Variants in CYP2F1 observed in about 807,000 individuals in gnomAD.
CYP2F1 encodes the protein cytochrome P450 family 2 subfamily F member 1.
In CYP2F1, 33 loss-of-function variants were observed where a neutral mutation model predicts 40.4. That is an observed-to-expected ratio of 0.82 (90% CI 0.62 to 1.09). The LOEUF (loss-of-function observed/expected upper bound fraction) is 1.09, where lower values mean the gene tolerates loss of function less well. Among genes scored for constraint, CYP2F1 ranks in the 50% least tolerant of loss-of-function variants. The pLI is 0.00. For missense variants in CYP2F1, 566 were observed against 655.7 expected, an observed-to-expected ratio of 0.86 and a Z score of 1.49; for synonymous variants, 235 against 277.2, an observed-to-expected ratio of 0.85 and a Z score of 1.51.
chr19:41,121,391 G>A, intron 4 of CYP2F1, 67 bp from the exon 5 acceptor site: 1 of 1,464,446 alleles, frequency 6.8e-7, no homozygotes, highest in Non-Finnish European at 9.3e-7. Flanking sequence ...AATTAATGGT[G>A]TTGCTGCATG....
rs79512346 is a variant in CYP2F1, at chr19:41,116,202, G to A, written c.14G>A (p.Ser5Asn). Residue 5 changes from serine (S) to asparagine (N), a missense_variant, in exon 2 of 10, where the codon AGC (serine) becomes AAC (asparagine). This residue lies in a region of CYP2F1 where 264 missense variants were observed against 275.7 expected (regional missense o/e 0.96). Coordinates refer to ENST00000331105, the MANE Select transcript of CYP2F1 (RefSeq NM_000774.5). The stretch of plus-strand genomic sequence containing the variant: ...GCTGCCTTCACCATGGACAGCATAA[G>A]CACAGCCATCTTACTCCTGCTCCTG... MDSI[S>N]TAILLLLLAL... 2.5e-6 allele frequency: 4 copies of A among 1,613,434 alleles called. No homozygotes were observed. The highest frequency in any genetic ancestry group is 2.2e-5 in the South Asian group (2 of 91,046).
rs977363262 is a variant in CYP2F1 at position 41,116,219 on chromosome 19, C to T, written c.31C>T (p.Leu11=). 8 of 1,614,000 alleles carry T rather than the reference C, an allele frequency of 5.0e-6. No homozygotes were observed. The highest frequency in any genetic ancestry group is 6.8e-6 in the Non-Finnish European group (8 of 1,179,914). MDSISTAILL[L]LLALVCLLLT... Reference sequence around the variant, plus strand: ...CAGCATAAGCACAGCCATCTTACTCCTGCTCCTGGCTCTCGTCTGTCTGCT... The same window carrying T: ...CAGCATAAGCACAGCCATCTTACTCTTGCTCCTGGCTCTCGTCTGTCTGCT... The change falls in exon 2 of 10, where the codon CTG becomes TTG. Residue 11 remains leucine (L), a synonymous_variant. Transcript: ENST00000331105.
At chr19:41,119,030 G>C (rs556667391) in intron 3 of CYP2F1, among the ~76,000 whole-genome samples, 20 of 152,104 alleles carry the variant, frequency 1.3e-4, no homozygotes, top group Non-Finnish European at 2.9e-4. Flanking sequence ...GCTGGGATGG[G>C]GGAAGCCTGG....
intron 5 of CYP2F1, 102 bp from the exon 6 acceptor site, chr19:41,121,855 C>G (rs1416448548): frequency 1.6e-6 from 2 of 1,240,572 alleles, no homozygotes; most frequent in African/African-American, 3.2e-5. Flanking sequence ...CCTGGCTGCC[C>G]TTTGAGACCC....
At chr19:41,123,860 A>G (rs1272182630) in intron 7 of CYP2F1, among the ~76,000 whole-genome samples, 1 of 151,948 alleles carries the variant, frequency 6.6e-6, no homozygotes, top group Non-Finnish European at 1.5e-5. Flanking sequence ...GAGTGCGTCA[A>G]CCACCACATG....
intron 8 of CYP2F1, 34 bp downstream of exon 8, chr19:41,124,940 C>T (rs186961295): frequency 6.4e-7 from 1 of 1,560,842 alleles, no homozygotes. Flanking sequence ...ATCAGGCAAC[C>T]TAAGAGGAGG....
At chr19:41,123,850 G>A (rs1217637218) in intron 7 of CYP2F1, among the ~76,000 whole-genome samples, 4 of 151,982 alleles carry the variant, frequency 2.6e-5, no homozygotes, top group South Asian at 2.1e-4. Flanking sequence ...GCTTTGTGCC[G>A]AGTGCGTCAA....
intron 8 of CYP2F1, chr19:41,125,208 T>G (rs2032482583): frequency 3.3e-6 from 2 of 597,728 alleles, no homozygotes; most frequent in Non-Finnish European, 5.8e-6. Context: ...GCCTAAACGC[T>G]ATTCTCAGGG....
Position 41,116,633 on chromosome 19 carries a change from G to T in CYP2F1, c.334+16G>T. ...AAGGGCAATGGTAAGCCTCGTCCTT[G>T]TCTCCTCCGCTCTCGGCCTTTTCCA... On this transcript the variant is annotated intron_variant, in intron 3 of 9. Transcript: ENST00000331105. 6.2e-7 allele frequency: 1 copy of T among 1,613,038 alleles called. No individual in the cohort carries two copies. The highest frequency in any genetic ancestry group is 8.5e-7 in the Non-Finnish European group (1 of 1,179,586).
chr19:41,122,544 ACAT>A (rs1402763394), intron 6 of CYP2F1, among the ~76,000 whole-genome samples: 1 of 151,418 alleles, frequency 6.6e-6, no homozygotes, highest in African/African-American at 2.4e-5. Context: ...ATACATACAT[ACAT>A]CATACATACA....
intron 6 of CYP2F1, among the ~76,000 whole-genome samples, chr19:41,122,578 C>CACAT (rs1346371080): frequency 1.3e-5 from 2 of 151,800 alleles, no homozygotes; most frequent in African/African-American, 4.9e-5. Context: ...CATACATACA[C>CACAT]ACATACATAC....
At chr19:41,119,966 G>A (rs1475935779) in intron 3 of CYP2F1, among the ~76,000 whole-genome samples, 1 of 151,584 alleles carries the variant, frequency 6.6e-6, no homozygotes, top group Admixed American at 6.6e-5. Flanking sequence ...TCATCAATAA[G>A]TAATCACCAG....
At position 41,122,836 on chromosome 19, in the gene CYP2F1, A is replaced by G. The variant is rs371209937; in HGVS notation, c.837A>G (p.Pro279=). ...LTKMAEEKED[P]LSHFHMDTLL... is the part of the protein sequence containing the mutation. ...TACCAATGCAGGAGAAGGAGGACCCACTGAGCCACTTCCACATGGATACCC... is the reference window on the plus strand; with the variant it reads ...TACCAATGCAGGAGAAGGAGGACCCGCTGAGCCACTTCCACATGGATACCC... Residue 279 remains proline (P), a synonymous_variant, in exon 7 of 10, where the codon CCA becomes CCG. Coordinates refer to ENST00000331105, the MANE Select transcript of CYP2F1 (RefSeq NM_000774.5). The G allele has an allele frequency of 1.3e-5, 20 of 1,541,992 alleles. No homozygotes were observed. In the African/African-American group the frequency reaches 1.8e-4, roughly 14 times the overall value.
rs1599687898 is a variant in CYP2F1 at position 41,127,957 on chromosome 19, A to C, written c.1351A>C (p.Thr451Pro). 6.2e-7 allele frequency: 1 copy of C among 1,612,930 alleles called. No individual in the cohort carries two copies. The highest frequency in any genetic ancestry group is 8.5e-7 in the Non-Finnish European group (1 of 1,179,924). ...LARMELFLYL[T>P]AILQSFSLQP... The stretch of plus-strand genomic sequence containing the variant: ...GCGCATGGAGCTCTTTCTGTACCTC[A>C]CCGCCATCCTGCAGAGCTTTTCGCT... Residue 451 changes from threonine (T) to proline (P), a missense_variant, in exon 10 of 10, where the codon ACC becomes CCC. Coordinates refer to ENST00000331105, the MANE Select transcript of CYP2F1 (RefSeq NM_000774.5).
At chr19:41,116,828 C>T (rs749302242) in intron 3 of CYP2F1, among the ~76,000 whole-genome samples, 1 of 152,038 alleles carries the variant, frequency 6.6e-6, no homozygotes, top group Non-Finnish European at 1.5e-5. Context: ...CTGAATTGTA[C>T]TCTTGCACCA....
chr19:41,119,298 T>C (rs988027815), intron 3 of CYP2F1, among the ~76,000 whole-genome samples: 15 of 152,086 alleles, frequency 9.9e-5, no homozygotes, highest in African/African-American at 3.6e-4. Context: ...CTTGCCTATC[T>C]CTCTTATTCA....
At chr19:41,125,077 C>G in intron 8 of CYP2F1, 171 bp downstream of exon 8, 1 of 618,194 alleles carries the variant, frequency 1.6e-6, no homozygotes, top group Middle Eastern at 4.4e-4. Flanking sequence ...AAGCTCAGGC[C>G]TTTGCCAGGA....
Position 41,122,899 on chromosome 19 carries a change from C to A in CYP2F1, c.900C>A (p.Thr300=). The A allele has an allele frequency of 6.2e-7, 1 of 1,606,796 alleles. No homozygotes were observed. Among genetic ancestry groups the A allele is most frequent in the Admixed American group, 1.7e-5 (1 of 59,306 alleles). The change falls in exon 7 of 10, where the codon ACC becomes ACA. Residue 300 remains threonine, a synonymous_variant. Coordinates refer to ENST00000331105, the MANE Select transcript of CYP2F1 (RefSeq NM_000774.5). ...MTTHNLLFGG[T]KTVSTTLHHA... Reference sequence around the variant, plus strand: ...CACATAACCTGCTCTTTGGCGGCACCAAGACGGTGAGCACCACGCTGCACC... The same window carrying A: ...CACATAACCTGCTCTTTGGCGGCACAAAGACGGTGAGCACCACGCTGCACC...
Position 41,121,549 on chromosome 19 carries a change from T to A in CYP2F1, c.576T>A (p.Asp192Glu). 1 of 1,610,134 alleles carries A rather than the reference T, an allele frequency of 6.2e-7. No individual in the cohort carries two copies. The highest frequency in any genetic ancestry group is 8.5e-7 in the Non-Finnish European group (1 of 1,179,654). The change falls in exon 5 of 10, where the codon GAT becomes GAA. Residue 192 changes from aspartate to glutamate, a missense_variant. Transcript: ENST00000331105. ...TCGGCAGCCGCTTCGACTATGATGA[T>A]GAGCGTCTGCTCACCATTATCCGCC... Reference protein sequence around the residue: ...VLFGSRFDYDDERLLTIIRLI... With the variant: ...VLFGSRFDYDEERLLTIIRLI...
Sources: allele counts gnomAD v4.1 joint callset (sites outside exome capture counted in the v4.1 genomes callset), GRCh38; gene constraint gnomAD v4.1.1; regional missense constraint gnomAD v4.1.1; transcripts MANE v1.5; gene names NCBI Gene and HGNC (gene_info 2026-07-23, HGNC 2026-07-21).